KCTD8: variants seen among roughly 807,000 people sequenced by gnomAD.
KCTD8 encodes the protein potassium channel tetramerization domain containing 8.
KCTD8 carries 27 observed loss-of-function variants against 31.5 expected under a neutral mutation model. The ratio of observed to expected loss-of-function variants is 0.86; its 90% CI spans 0.63 to 1.18. The LOEUF is 1.18. Among genes scored for constraint, KCTD8 ranks in the 50% most tolerant of loss-of-function variants. The pLI is 0.00. For missense variants in KCTD8, 658 were observed against 647.7 expected (o/e 1.02, Z -0.17); for synonymous variants, 290 against 280.0 (o/e 1.04, Z -0.36).
At chr4:44,440,687 A>G (rs1179858795) in intron 1 of KCTD8, among the ~76,000 whole-genome samples, 1 of 152,208 alleles carries the variant, frequency 6.6e-6, no homozygotes, top group Non-Finnish European at 1.5e-5. Context: ...TTAAGTTCTT[A>G]ATGTGGCCTT....
chr4:44,324,820 A>G (rs187395551), intron 1 of KCTD8, among the ~76,000 whole-genome samples: 16 of 152,000 alleles, frequency 1.1e-4, no homozygotes, highest in Admixed American at 1.0e-3. Context: ...AACATTCACC[A>G]ACATATTATC....
At chr4:44,299,944 G>T (rs1479812628) in intron 1 of KCTD8, among the ~76,000 whole-genome samples, 1 of 151,722 alleles carries the variant, frequency 6.6e-6, no homozygotes, top group Non-Finnish European at 1.5e-5. Context: ...GTAGAGACGG[G>T]GTTTCGCTGT....
In KCTD8 at chr4:44,360,392, A is replaced by G. The variant is rs1354964018; in HGVS notation, c.961+87171T>C. ...ATCAGTGCCATCCAGGGTAAATAAT[A>G]CAGTCATCTTTCATGGATATTTTCA... On this transcript the variant is annotated intron_variant, in intron 1 of 1. Transcript: ENST00000360029. Among the ~76,000 whole-genome samples the G allele has an allele frequency of 2.6e-5, 4 of 152,198 alleles. No homozygotes were observed. In the East Asian group the frequency reaches 7.7e-4, roughly 29 times the overall value.
At chr4:44,301,090 C>A (rs1182332809) in intron 1 of KCTD8, among the ~76,000 whole-genome samples, 1 of 151,934 alleles carries the variant, frequency 6.6e-6, no homozygotes, top group Admixed American at 6.6e-5. Flanking sequence ...TGTATATGTG[C>A]CACATTTTCT....
chr4:44,402,624 C>T (rs553226964), intron 1 of KCTD8, among the ~76,000 whole-genome samples: 1 of 152,020 alleles, frequency 6.6e-6, no homozygotes, highest in Non-Finnish European at 1.5e-5. Context: ...TGGGGGGGCC[C>T]TAGAAATGTA....
At chr4:44,259,481 A>T (rs1716100249) in intron 1 of KCTD8, among the ~76,000 whole-genome samples, 1 of 152,030 alleles carries the variant, frequency 6.6e-6, no homozygotes, top group East Asian at 1.9e-4. Flanking sequence ...AAAAAATAGT[A>T]AGATCCATTT....
intron 1 of KCTD8, among the ~76,000 whole-genome samples, chr4:44,286,943 T>G (rs1333037388): frequency 6.6e-6 from 1 of 152,072 alleles, no homozygotes; most frequent in African/African-American, 2.4e-5. Flanking sequence ...GAAAGAGAAA[T>G]TAATGTAACT....
intron 1 of KCTD8, among the ~76,000 whole-genome samples, chr4:44,240,055 C>G (rs1481449879): frequency 6.6e-6 from 1 of 152,198 alleles, no homozygotes; most frequent in African/African-American, 2.4e-5. Flanking sequence ...TACAATTTTG[C>G]ATAATGTCAT....
intron 1 of KCTD8, among the ~76,000 whole-genome samples, chr4:44,268,617 G>A (rs900008120): frequency 1.3e-5 from 2 of 152,036 alleles, no homozygotes; most frequent in Admixed American, 6.5e-5. Flanking sequence ...CCTGTTTGCA[G>A]ACGACATGAT....
intron 1 of KCTD8, among the ~76,000 whole-genome samples, chr4:44,414,918 T>C (rs13135613): frequency 0.84 from 128,238 of 152,018 alleles, 54,279 homozygotes; most frequent in South Asian, 0.9. Context: ...GGGTAACAGG[T>C]GGAGATTAGA....
At chr4:44,388,281 C>T (rs926206190) in intron 1 of KCTD8, among the ~76,000 whole-genome samples, 6 of 151,556 alleles carry the variant, frequency 4.0e-5, no homozygotes, top group Non-Finnish European at 8.9e-5. Flanking sequence ...GTACAGCCAT[C>T]GTGGAAGACT....
At chr4:44,245,272 G>A (rs541884803) in intron 1 of KCTD8, among the ~76,000 whole-genome samples, 14 of 152,138 alleles carry the variant, frequency 9.2e-5, no homozygotes, top group African/African-American at 2.7e-4. Flanking sequence ...TCCTCAGCAT[G>A]TTTTAAAATA....
chr4:44,438,425 TATAA>T (rs1354529647), intron 1 of KCTD8, among the ~76,000 whole-genome samples: 2 of 152,230 alleles, frequency 1.3e-5, no homozygotes, highest in East Asian at 3.9e-4. Flanking sequence ...TCATCAGAAA[TATAA>T]ATAAAGATTA....
At chr4:44,265,315 G>C (rs995795835) in intron 1 of KCTD8, among the ~76,000 whole-genome samples, 1 of 152,168 alleles carries the variant, frequency 6.6e-6, no homozygotes, top group Non-Finnish European at 1.5e-5. Flanking sequence ...AACTCCAACA[G>C]AACTGCAGCT....
At chr4:44,232,837 ACT>A (rs1428456120) in intron 1 of KCTD8, among the ~76,000 whole-genome samples, 5 of 152,122 alleles carry the variant, frequency 3.3e-5, no homozygotes, top group Non-Finnish European at 7.4e-5. Context: ...ATTTAAATAA[ACT>A]AGTATTAGAT....
intron 1 of KCTD8, among the ~76,000 whole-genome samples, chr4:44,318,995 G>C (rs1420316504): frequency 1.3e-5 from 2 of 152,098 alleles, no homozygotes; most frequent in Admixed American, 6.5e-5. Context: ...AGGAGAAAAG[G>C]CAAAAAATGA....
chr4:44,317,006 A>AT (rs1718144295), intron 1 of KCTD8, among the ~76,000 whole-genome samples: 1 of 149,064 alleles, frequency 6.7e-6, no homozygotes, highest in Non-Finnish European at 1.5e-5. Flanking sequence ...TAAAATAATA[A>AT]TAAAAAAAAA....
intron 1 of KCTD8, among the ~76,000 whole-genome samples, chr4:44,444,705 C>T (rs1721895138): frequency 6.6e-6 from 1 of 151,400 alleles, no homozygotes; most frequent in African/African-American, 2.4e-5. Flanking sequence ...CAAGATCACA[C>T]AGTTGGAAAA....
At chr4:44,366,340 G>C (rs946009874) in intron 1 of KCTD8, among the ~76,000 whole-genome samples, 1 of 152,086 alleles carries the variant, frequency 6.6e-6, no homozygotes, top group Admixed American at 6.5e-5. Context: ...GGTCATGGGG[G>C]GTGGATTTCC....
Sources: gnomAD v4.1 joint callset for allele counts (sites outside exome capture counted in the v4.1 genomes callset) on GRCh38, gnomAD v4.1.1 for gene constraint, MANE v1.5 for transcripts, NCBI Gene and HGNC (gene_info 2026-07-23, HGNC 2026-07-21) for gene names.